Variants in XPO6 observed in about 807,000 individuals in gnomAD.
The protein encoded by XPO6 is exportin 6.
Under a neutral mutation model 130.0 loss-of-function variants are expected in XPO6, and 3 were observed. The observed-to-expected ratio is 0.02, with a 90% CI of 0.01 to 0.06. The LOEUF (loss-of-function observed/expected upper bound fraction) is 0.06. Among genes scored for constraint, XPO6 ranks in the 10% least tolerant of loss-of-function variants. The pLI is 1.00. For missense variants in XPO6, 970 were observed against 1,393.0 expected (o/e 0.70, Z 4.83); for synonymous variants, 524 against 548.9 (o/e 0.95, Z 0.63).
chr16:28,098,491 G>GC lies in XPO6; in HGVS notation c.*46dup. The GC allele has an allele frequency of 6.6e-7, 1 of 1,525,686 alleles. No homozygotes were observed. The highest frequency in any genetic ancestry group is 9.0e-7 in the Non-Finnish European group (1 of 1,110,510). The allele number at this position is 1,525,686 out of a possible 1,614,324, so 94.5% of individuals were successfully genotyped here. A position where few individuals can be genotyped will look rare whatever the true frequency, so the allele number is the denominator to read the frequency against. ...ACATCTGTGGTGGAAGGTAGGGCTG[G>GC]CGCAGGTGGCAGCAGCAGAAGTCCG... On this transcript the variant is annotated 3_prime_UTR_variant, in exon 24 of 24. Coordinates refer to ENST00000304658, the MANE Select transcript of XPO6 (RefSeq NM_015171.4).
chr16:28,104,483 A>C lies in XPO6; in HGVS notation c.2946+63T>G, dbSNP rs982742460. ...CCCGAGACTGTGGGGCTTCGAAGAC[A>C]GGACTCGCTGCAGTGGTCAGGTTAG... On this transcript the variant is annotated intron_variant, in intron 21 of 23. Coordinates refer to ENST00000304658, the MANE Select transcript of XPO6 (RefSeq NM_015171.4). The C allele has an allele frequency of 1.9e-6, 3 of 1,579,048 alleles. No homozygotes were observed. In the African/African-American group the frequency reaches 4.0e-5, roughly 21 times the overall value.
intron 8 of XPO6, 31 bp downstream of exon 8, chr16:28,152,628 C>G: frequency 6.3e-7 from 1 of 1,588,982 alleles, no homozygotes; most frequent in Non-Finnish European, 8.5e-7. Context: ...AACCTTTTCT[C>G]TGGAAGGGAA....
chr16:28,177,407 T>C, intron 2 of XPO6, 75 bp from the exon 3 acceptor site: 1 of 796,500 alleles, frequency 1.3e-6, no homozygotes, highest in East Asian at 2.6e-5. Context: ...TATCTTATTA[T>C]TATTTAAACA....
intron 14 of XPO6, 59 bp downstream of exon 14, chr16:28,121,611 T>A: frequency 8.0e-7 from 1 of 1,244,418 alleles, no homozygotes; most frequent in Non-Finnish European, 1.2e-6. Flanking sequence ...ATCAAATTAT[T>A]TGGAGATTGG....
intron 1 of XPO6, among the ~76,000 whole-genome samples, chr16:28,201,042 TC>T (rs1567651919): frequency 2.0e-5 from 3 of 151,948 alleles, no homozygotes; most frequent in African/African-American, 7.3e-5. Flanking sequence ...AGACCTCACC[TC>T]ACCCACTCCC....
Position 28,106,947 on chromosome 16 carries a change from C to T in XPO6, c.2498-450G>A, listed in dbSNP as rs8049799. On this transcript the variant is annotated intron_variant, in intron 18 of 23. Coordinates refer to ENST00000304658, the MANE Select transcript of XPO6 (RefSeq NM_015171.4). This position sits in a 1 kb window ranked among gnomAD's most constrained non-coding sequence, Gnocchi z 4.2. ...TGAAGGTGTATTTAGGTTGCATGGC[C>T]CTGGTCCATTAAATGGATTAATTGC... Among the ~76,000 whole-genome samples the T allele has an allele frequency of 3.2e-3, 480 of 152,256 alleles. 5 individuals are homozygous for T. The highest frequency in any genetic ancestry group is 0.011 in the African/African-American group (466 of 41,548).
intron 9 of XPO6, among the ~76,000 whole-genome samples, chr16:28,142,236 A>G (rs2042908269): frequency 6.6e-6 from 1 of 152,198 alleles, no homozygotes; most frequent in Admixed American, 6.5e-5. Flanking sequence ...TCAGTTGACA[A>G]ACATTTGATC....
intron 1 of XPO6, among the ~76,000 whole-genome samples, chr16:28,194,930 A>AT (rs1157152056): frequency 6.8e-6 from 1 of 147,884 alleles, no homozygotes; most frequent in Non-Finnish European, 1.5e-5. Flanking sequence ...TTCTCTCCAC[A>AT]TAACAGTTCC....
At chr16:28,199,000 C>T (rs11074898) in intron 1 of XPO6, among the ~76,000 whole-genome samples, 9,156 of 151,970 alleles carry the variant, frequency 0.06, 369 homozygotes, top group East Asian at 0.2. Context: ...AAAAATTAGC[C>T]GGGCGTGGTG....
At chr16:28,122,804 T>G (rs1359067965) in intron 13 of XPO6, among the ~76,000 whole-genome samples, 1 of 152,118 alleles carries the variant, frequency 6.6e-6, no homozygotes, top group East Asian at 1.9e-4. Context: ...TACAGCAAAC[T>G]GTCCACCATA....
intron 5 of XPO6, among the ~76,000 whole-genome samples, 153 bp downstream of exon 5, chr16:28,169,597 A>AC (rs2043417009): frequency 1.3e-5 from 2 of 152,322 alleles, no homozygotes; most frequent in South Asian, 4.1e-4. Context: ...TGTGTGCTAG[A>AC]CCCTGGGCTA....
At chr16:28,177,824 GA>G (rs1197166329) in intron 2 of XPO6, among the ~76,000 whole-genome samples, 2 of 151,988 alleles carry the variant, frequency 1.3e-5, no homozygotes, top group African/African-American at 4.8e-5. Context: ...GATAGGAAAG[GA>G]AAAAAATGCA....
At chr16:28,158,762 A>G (rs1365313523) in intron 6 of XPO6, among the ~76,000 whole-genome samples, 3 of 152,210 alleles carry the variant, frequency 2.0e-5, no homozygotes, top group Non-Finnish European at 4.4e-5. Context: ...CTACTGGAGT[A>G]GAGCCTGAAG....
intron 16 of XPO6, 144 bp downstream of exon 16, chr16:28,112,760 A>G (rs205388): frequency 0.28 from 288,330 of 1,045,814 alleles, 42,142 homozygotes; most frequent in Middle Eastern, 0.33. Flanking sequence ...AGTCTGTGTC[A>G]GTGCCACACA....
At chr16:28,178,768 A>AC (rs1364392412) in intron 2 of XPO6, among the ~76,000 whole-genome samples, 2 of 149,994 alleles carry the variant, frequency 1.3e-5, no homozygotes, top group African/African-American at 5.0e-5. Context: ...ACAAAACAAA[A>AC]AAAAAAAAAC....
In XPO6 at chr16:28,147,878, G is replaced by A. The variant is rs536037984; in HGVS notation, c.1225-1675C>T. 3.9e-5 allele frequency among the ~76,000 whole-genome samples: 6 copies of A among 152,256 alleles called. No homozygotes were observed. The South Asian group carries it at 1.2e-3, about 32-fold the overall frequency. ...GGAAAATCGCTTGAATCCAGGAGGCGGAGGTTGCAGTGAGCTGAGATCGTG... is the reference window on the plus strand; with the variant it reads ...GGAAAATCGCTTGAATCCAGGAGGCAGAGGTTGCAGTGAGCTGAGATCGTG... On this transcript the variant is annotated intron_variant, in intron 8 of 23. Coordinates refer to ENST00000304658, the MANE Select transcript of XPO6 (RefSeq NM_015171.4).
At position 28,123,345 on chromosome 16, in the gene XPO6, CG is replaced by C. The variant is rs2087295612; in HGVS notation, c.1767-1584del. 2.0e-5 allele frequency among the ~76,000 whole-genome samples: 3 copies of C among 152,084 alleles called. 1 individual carries two copies. The highest frequency in any genetic ancestry group is 7.3e-5 in the African/African-American group (3 of 41,360). On this transcript the variant is annotated intron_variant, in intron 13 of 23. Transcript: ENST00000304658. ...TTGGTCTTGAACTCCTGGACTCAAGCGATCTGCTCACCTCAGCCTCCCAAAG... is the reference window on the plus strand; with the variant it reads ...TTGGTCTTGAACTCCTGGACTCAAGCATCTGCTCACCTCAGCCTCCCAAAG...
At chr16:28,200,799 T>A (rs957674088) in intron 1 of XPO6, among the ~76,000 whole-genome samples, 2 of 152,124 alleles carry the variant, frequency 1.3e-5, no homozygotes, top group African/African-American at 4.8e-5. Flanking sequence ...AGCGTCCTTA[T>A]CTTCCTCAAC....
chr16:28,186,732 A>T (rs1347298642), intron 1 of XPO6, among the ~76,000 whole-genome samples: 1 of 150,140 alleles, frequency 6.7e-6, no homozygotes, highest in Non-Finnish European at 1.5e-5. Flanking sequence ...AGTGCAGTGG[A>T]ACAATCACAG....
Sources: gnomAD v4.1 joint callset for allele counts (sites outside exome capture counted in the v4.1 genomes callset) on GRCh38, gnomAD v4.1.1 for gene constraint, Gnocchi (gnomAD v3.1) non-coding constraint, MANE v1.5 for transcripts, NCBI Gene and HGNC (gene_info 2026-07-23, HGNC 2026-07-21) for gene names.